Variants in POM121C observed in about 807,000 individuals in gnomAD.
POM121C encodes the protein nuclear envelope pore membrane protein POM 121C.
POM121C carries 20 observed loss-of-function variants against 66.4 expected under a neutral mutation model. The observed-to-expected ratio is 0.30, with a 90% CI of 0.21 to 0.44. The LOEUF is 0.44. POM121C is among the 20% of genes least tolerant of loss of function. The pLI is 1.00. For missense variants in POM121C, 580 were observed against 1,225.7 expected (o/e 0.47, Z 7.87); for synonymous variants, 286 against 528.0 (o/e 0.54, Z 6.28).
At chr7:75,437,316 T>C (rs1173109213) in intron 7 of POM121C, among the ~76,000 whole-genome samples, 199 bp downstream of exon 7, 1 of 152,188 alleles carries the variant, frequency 6.6e-6, no homozygotes, top group African/African-American at 2.4e-5. Flanking sequence ...TTTAAAAAAA[T>C]TTCTTTAAAG....
At chr7:75,452,442 C>T (rs2116451673) in intron 3 of POM121C, among the ~76,000 whole-genome samples, 2 of 152,200 alleles carry the variant, frequency 1.3e-5, no homozygotes, top group East Asian at 3.9e-4. Context: ...GCGAGTGAGA[C>T]TCATCTCAAA....
At chr7:75,419,022 G>A (rs2429585) in intron 14 of POM121C, 129 bp from the exon 15 acceptor site, 173 of 1,455,416 alleles carry the variant, frequency 1.2e-4, no homozygotes, top group South Asian at 6.3e-4. Context: ...TCCCCGCTGC[G>A]TCAGAAACAC....
At chr7:75,484,606 T>G (rs1185334268) in intron 1 of POM121C, among the ~76,000 whole-genome samples, 1 of 145,148 alleles carries the variant, frequency 6.9e-6, no homozygotes, top group Non-Finnish European at 1.5e-5. Flanking sequence ...GAGGTGGAAG[T>G]TGCAGTGAGC....
At chr7:75,483,859 G>A (rs1792404769) in intron 1 of POM121C, among the ~76,000 whole-genome samples, 1 of 152,152 alleles carries the variant, frequency 6.6e-6, no homozygotes, top group South Asian at 2.1e-4. Context: ...CCAGCACTTT[G>A]GGAGGCTGAG....
chr7:75,436,425 T>G (rs1554473034), intron 7 of POM121C, among the ~76,000 whole-genome samples: 1 of 152,160 alleles, frequency 6.6e-6, no homozygotes, highest in Non-Finnish European at 1.5e-5. Context: ...GCTCCCATAG[T>G]CCAAAGCTGG....
intron 3 of POM121C, among the ~76,000 whole-genome samples, chr7:75,444,273 A>AG (rs1790763398): frequency 6.4e-5 from 2 of 31,288 alleles, no homozygotes; most frequent in Non-Finnish European, 1.4e-4. Context: ...GGGGGGGCGG[A>AG]GGGGGGACTG....
At position 75,427,911 on chromosome 7, in the gene POM121C, G is replaced by A. The variant is rs1169939802; in HGVS notation, c.481-1458C>T. Among the ~76,000 whole-genome samples the A allele has an allele frequency of 9.9e-5, 15 of 152,222 alleles. 1 individual carries two copies. The highest frequency in any genetic ancestry group is 3.6e-4 in the African/African-American group (15 of 41,540). ...ATCATCAGGAAGCCGGGCCCAGGAG[G>A]AGCTTGAGAAGACTGCTCACGGCAA... is the stretch of plus-strand genomic sequence containing the variant. On this transcript the variant is annotated intron_variant, in intron 7 of 14. Transcript: ENST00000615331.
intron 1 of POM121C, among the ~76,000 whole-genome samples, chr7:75,485,601 A>G (rs1554480759): frequency 6.6e-6 from 1 of 152,086 alleles, no homozygotes; most frequent in African/African-American, 2.4e-5. Context: ...GAGGAGGAGG[A>G]AGGACTGTTA....
At chr7:75,433,494 T>C (rs1349629058) in intron 7 of POM121C, among the ~76,000 whole-genome samples, 2 of 151,980 alleles carry the variant, frequency 1.3e-5, no homozygotes, top group Non-Finnish European at 2.9e-5. Context: ...TAGCTGGGAC[T>C]ACAGGTGCCC....
chr7:75,471,294 T>C (rs1331973911), intron 3 of POM121C, among the ~76,000 whole-genome samples: 1 of 152,076 alleles, frequency 6.6e-6, no homozygotes, highest in Admixed American at 6.6e-5. Context: ...CTGCAGCCTC[T>C]GCCTCCTGGG....
chr7:75,466,711 T>C (rs587745611), intron 3 of POM121C, among the ~76,000 whole-genome samples: 2 of 146,092 alleles, frequency 1.4e-5, no homozygotes, highest in South Asian at 4.4e-4. Context: ...TTCGAAAAGA[T>C]CAATTAAAAA....
At chr7:75,435,113 A>G (rs1445629210) in intron 7 of POM121C, among the ~76,000 whole-genome samples, 2 of 152,250 alleles carry the variant, frequency 1.3e-5, no homozygotes, top group African/African-American at 2.4e-5. Flanking sequence ...GTGAAAGGAC[A>G]TATGAACAAA....
chr7:75,467,392 T>G (rs1276622804), intron 3 of POM121C, among the ~76,000 whole-genome samples: 1 of 151,706 alleles, frequency 6.6e-6, no homozygotes, highest in African/African-American at 2.4e-5. Context: ...ATTAGCCGGG[T>G]GTGGTGGCAC....
intron 1 of POM121C, among the ~76,000 whole-genome samples, chr7:75,483,704 T>G (rs1274759087): frequency 6.6e-6 from 1 of 152,190 alleles, no homozygotes; most frequent in East Asian, 1.9e-4. Flanking sequence ...AGCCTTAAAA[T>G]ATACTACCCA....
rs587691678 is a variant in POM121C, at chr7:75,432,746, T to C, written c.480+4769A>G. Among the ~76,000 whole-genome samples the C allele has an allele frequency of 1.7e-4, 26 of 152,298 alleles. No individual in the cohort carries two copies. In the South Asian group the frequency reaches 5.2e-3, roughly 30 times the overall value. On this transcript the variant is annotated intron_variant, in intron 7 of 14. Coordinates refer to ENST00000615331, the MANE Select transcript of POM121C (RefSeq NM_001099415.3). Reference sequence around the variant, plus strand: ...AAGAAGATGCTTTTTAAAAAGCAAATATGCTGTGACCCTGCTATGTAGAAC... The same window carrying C: ...AAGAAGATGCTTTTTAAAAAGCAAACATGCTGTGACCCTGCTATGTAGAAC...
At chr7:75,463,449 CTTTTTTTT>C (rs1191010098) in intron 3 of POM121C, among the ~76,000 whole-genome samples, 1 of 120,772 alleles carries the variant, frequency 8.3e-6, no homozygotes, top group Admixed American at 8.4e-5. Flanking sequence ...CTGGGTTTTT[CTTTTTTTT>C]TTTTTTTTTT....
At chr7:75,473,050 A>G (rs587723488) in intron 3 of POM121C, among the ~76,000 whole-genome samples, 22 of 152,326 alleles carry the variant, frequency 1.4e-4, no homozygotes, top group Admixed American at 1.2e-3. Context: ...AACACAAACC[A>G]TGGAGAGAAG....
Position 75,474,714 on chromosome 7 carries a change from T to C in POM121C, c.-162A>G, listed in dbSNP as rs149376824. On this transcript the variant is annotated 5_prime_UTR_variant, in exon 3 of 15. Coordinates refer to ENST00000615331, the MANE Select transcript of POM121C (RefSeq NM_001099415.3). Reference sequence around the variant, plus strand: ...ACTCTACTAACTTACCAGGACTATGTTGACATGGAAATTCACCTCCCGTTA... The same window carrying C: ...ACTCTACTAACTTACCAGGACTATGCTGACATGGAAATTCACCTCCCGTTA... The C allele has an allele frequency of 8.9e-4, 1,328 of 1,484,018 alleles. 8 individuals are homozygous for C. The African/African-American group carries it at 0.015, about 17-fold the overall frequency. The allele number at this position is 1,484,018 out of a possible 1,614,324, so 91.9% of individuals were successfully genotyped here.
At chr7:75,449,602 G>GCACCCACCCGAGGTCTCGATCTCC (rs1344592557) in intron 3 of POM121C, among the ~76,000 whole-genome samples, 7 of 152,194 alleles carry the variant, frequency 4.6e-5, no homozygotes, top group African/African-American at 1.7e-4. Context: ...TCCTGACCTC[G>GCACCCACCCGAGGTCTCGATCTCC]TGTTCCACCC....
Sources: gnomAD v4.1 joint callset for allele counts (sites outside exome capture counted in the v4.1 genomes callset) on GRCh38, gnomAD v4.1.1 for gene constraint, MANE v1.5 for transcripts, NCBI Gene and HGNC (gene_info 2026-07-23, HGNC 2026-07-21) for gene names.